Variants in LSAMP observed in about 807,000 individuals in gnomAD.
LSAMP encodes limbic system-associated membrane protein.
LSAMP carries 7 observed loss-of-function variants against 38.6 expected under a neutral mutation model. The ratio of observed to expected loss-of-function variants is 0.18; its 90% CI spans 0.10 to 0.34. The LOEUF is 0.34. LSAMP is among the 10% of genes least tolerant of loss of function. The pLI is 1.00. For synonymous variants in LSAMP, 154 were observed against 166.8 expected, an observed-to-expected ratio of 0.92 and a Z score of 0.59; for missense variants, 313 against 420.0, an observed-to-expected ratio of 0.75 and a Z score of 2.23.
chr3:116,337,324 A>G (rs1442266481), intron 1 of LSAMP, among the ~76,000 whole-genome samples: 1 of 152,030 alleles, frequency 6.6e-6, no homozygotes, highest in African/African-American at 2.4e-5. Context: ...TATGTTACAT[A>G]TATTTTGACA....
At chr3:116,023,962 T>G (rs1032990602) in intron 2 of LSAMP, among the ~76,000 whole-genome samples, 1 of 152,146 alleles carries the variant, frequency 6.6e-6, no homozygotes, top group African/African-American at 2.4e-5. Flanking sequence ...CTTCATGCAA[T>G]TACCCTCTTT....
At chr3:116,166,958 T>A (rs1158729229) in intron 1 of LSAMP, among the ~76,000 whole-genome samples, 2 of 150,744 alleles carry the variant, frequency 1.3e-5, no homozygotes, top group East Asian at 2.0e-4. Flanking sequence ...GCCCGGCTAA[T>A]TTTTTTGTAT....
intron 3 of LSAMP, among the ~76,000 whole-genome samples, chr3:115,994,866 T>G (rs1193687067): frequency 1.3e-5 from 2 of 152,102 alleles, no homozygotes; most frequent in African/African-American, 4.8e-5. Flanking sequence ...GGCATTTGCA[T>G]GTGGAGATGC....
At position 115,829,140 on chromosome 3, in the gene LSAMP, C is replaced by A. The variant is rs574499177; in HGVS notation, c.919+12705G>T. On this transcript the variant is annotated intron_variant, in intron 6 of 6. Transcript: ENST00000490035. ...TAAATTTTGGATTTATTCTTGCTAGCAACTTTTAGCAGGGGAGAGAACAAC... is the reference window on the plus strand; with the variant it reads ...TAAATTTTGGATTTATTCTTGCTAGAAACTTTTAGCAGGGGAGAGAACAAC... 3.1e-4 allele frequency among the ~76,000 whole-genome samples: 47 copies of A among 152,118 alleles called. 1 individual carries two copies. In the South Asian group the frequency reaches 8.7e-3, roughly 28 times the overall value.
intron 1 of LSAMP, among the ~76,000 whole-genome samples, chr3:116,211,136 A>G (rs958419926): frequency 6.6e-6 from 1 of 152,222 alleles, no homozygotes; most frequent in African/African-American, 2.4e-5. Context: ...AAATCTAAAA[A>G]ATGCTAAACT....
At chr3:116,267,952 A>G (rs1239538030) in intron 1 of LSAMP, among the ~76,000 whole-genome samples, 1 of 152,132 alleles carries the variant, frequency 6.6e-6, no homozygotes, top group Non-Finnish European at 1.5e-5. Flanking sequence ...TGGAGCACCA[A>G]ACTCTTCCTT....
At chr3:115,917,649 T>C (rs966790499) in intron 3 of LSAMP, among the ~76,000 whole-genome samples, 3 of 152,160 alleles carry the variant, frequency 2.0e-5, no homozygotes, top group Admixed American at 6.5e-5. Flanking sequence ...ACCTTTTTTT[T>C]TTTTCAAGTT....
chr3:116,184,944 T>C lies in LSAMP; in HGVS notation c.156-98388A>G, dbSNP rs189345728. Among the ~76,000 whole-genome samples, 256 of 151,934 alleles carry C rather than the reference T, an allele frequency of 1.7e-3. 1 individual carries two copies. Among genetic ancestry groups the C allele is most frequent in the African/African-American group, 5.3e-3 (222 of 41,514 alleles). On this transcript the variant is annotated intron_variant, in intron 1 of 6. Transcript: ENST00000490035. ...TGATCTGTTTGATTCTCAGAATACA[T>C]ATATATTGAATTTCTAATGAAGTCT... is the stretch of plus-strand genomic sequence containing the variant.
chr3:116,129,470 T>G (rs995971548), intron 1 of LSAMP, among the ~76,000 whole-genome samples: 6 of 152,210 alleles, frequency 3.9e-5, no homozygotes, highest in Admixed American at 6.5e-5. Flanking sequence ...TCTGCTTATA[T>G]TAGATTTTAT....
At chr3:116,127,541 C>T (rs1234921078) in intron 1 of LSAMP, among the ~76,000 whole-genome samples, 4 of 152,052 alleles carry the variant, frequency 2.6e-5, no homozygotes, top group African/African-American at 7.2e-5. Context: ...AAATCATTTT[C>T]AGAAGATGTG....
At position 116,180,861 on chromosome 3, in the gene LSAMP, A is replaced by T. The variant is rs149291834; in HGVS notation, c.156-94305T>A. On this transcript the variant is annotated intron_variant, in intron 1 of 6. Transcript: ENST00000490035. ...GCCGGTGCTGTGTTAAACAGCTGTC[A>T]CTTTTTACCACAAAGATGGTTGTAT... Among the ~76,000 whole-genome samples, 102 of 152,226 alleles carry T rather than the reference A, an allele frequency of 6.7e-4. 2 individuals carry two copies. The highest frequency in any genetic ancestry group is 1.1e-3 in the Non-Finnish European group (73 of 67,960).
chr3:116,383,568 T>C lies in LSAMP; in HGVS notation c.155+61309A>G, dbSNP rs2048589646. 2.0e-5 allele frequency among the ~76,000 whole-genome samples: 3 copies of C among 152,038 alleles called. No homozygotes were observed. The South Asian group carries it at 6.2e-4, about 32-fold the overall frequency. On this transcript the variant is annotated intron_variant, in intron 1 of 6. Coordinates refer to ENST00000490035, the MANE Select transcript of LSAMP (RefSeq NM_002338.5). ...AGGGCTCTTAAGTGCCTGTCCAGTA[T>C]CCTCGTCATTACTTTTTGCAATAAA...
intron 1 of LSAMP, among the ~76,000 whole-genome samples, chr3:116,412,236 T>C (rs2048989961): frequency 1.3e-5 from 2 of 152,048 alleles, no homozygotes; most frequent in South Asian, 4.1e-4. Context: ...AGAATGAACA[T>C]GGACATGTAT....
intron 1 of LSAMP, among the ~76,000 whole-genome samples, chr3:116,154,827 C>A (rs190083455): frequency 2.0e-5 from 3 of 152,158 alleles, no homozygotes; most frequent in Non-Finnish European, 2.9e-5. Context: ...AACCTTAGAG[C>A]TTTTATTCTG....
intron 1 of LSAMP, among the ~76,000 whole-genome samples, chr3:116,303,725 G>A (rs759228743): frequency 6.6e-6 from 1 of 152,284 alleles, no homozygotes; most frequent in Admixed American, 6.5e-5. Flanking sequence ...CTAACCCTGC[G>A]AGCGAATAAT....
intron 3 of LSAMP, among the ~76,000 whole-genome samples, chr3:115,907,022 A>C (rs1309197822): frequency 1.3e-5 from 2 of 151,908 alleles, no homozygotes; most frequent in African/African-American, 4.8e-5. Flanking sequence ...TTTAAAACAA[A>C]CTCCCTTTCT....
chr3:116,158,529 A>C (rs1444318889), intron 1 of LSAMP, among the ~76,000 whole-genome samples: 7 of 152,182 alleles, frequency 4.6e-5, no homozygotes, highest in African/African-American at 1.7e-4. Flanking sequence ...TATACAAATC[A>C]TCAGTAGCAT....
chr3:116,303,876 T>C (rs1199147501), intron 1 of LSAMP, among the ~76,000 whole-genome samples: 2 of 152,184 alleles, frequency 1.3e-5, no homozygotes, highest in African/African-American at 4.8e-5. Context: ...TGTGAACTGA[T>C]GGAACTGTTA....
chr3:115,979,037 A>G (rs979984868), intron 3 of LSAMP, among the ~76,000 whole-genome samples: 1 of 152,184 alleles, frequency 6.6e-6, no homozygotes, highest in African/African-American at 2.4e-5. Context: ...TGAGTTTTAT[A>G]TATTTAAGGC....
Sources: allele counts gnomAD v4.1 joint callset (sites outside exome capture counted in the v4.1 genomes callset), GRCh38; gene constraint gnomAD v4.1.1; transcripts MANE v1.5; gene names NCBI Gene and HGNC (gene_info 2026-07-23, HGNC 2026-07-21).